The following ATP6V0D2 variants were observed in gnomAD, a reference collection of about 807,000 sequenced individuals.
ATP6V0D2 encodes V-type proton ATPase subunit d 2.
ATP6V0D2 carries 40 observed loss-of-function variants against 40.0 expected under a neutral mutation model. The ratio of observed to expected loss-of-function variants is 1.00; its 90% CI spans 0.78 to 1.30. The LOEUF is 1.30. ATP6V0D2 is among the 50% of genes most tolerant of loss of function. The probability of loss-of-function intolerance (pLI) is 0.00; values close to 1 mark genes in which losing one functional copy is unlikely to be tolerated. For synonymous variants in ATP6V0D2, 179 were observed against 156.3 expected (o/e 1.15, Z -1.08); for missense variants, 470 against 423.1 (o/e 1.11, Z -0.97).
intron 2 of ATP6V0D2, among the ~76,000 whole-genome samples, chr8:86,122,593 G>A (rs1818684540): frequency 6.6e-6 from 1 of 152,056 alleles, no homozygotes; most frequent in Non-Finnish European, 1.5e-5. Context: ...CATAACTCTG[G>A]CTCACTAAGG....
At chr8:86,105,894 G>C (rs1818465565) in intron 1 of ATP6V0D2, among the ~76,000 whole-genome samples, 1 of 151,970 alleles carries the variant, frequency 6.6e-6, no homozygotes, top group South Asian at 2.1e-4. Context: ...GATTATAGAC[G>C]TGAGCCACTG....
chr8:86,141,203 A>G (rs1436311621), intron 3 of ATP6V0D2, among the ~76,000 whole-genome samples: 1 of 152,174 alleles, frequency 6.6e-6, no homozygotes, highest in Non-Finnish European at 1.5e-5. Context: ...CAGGCCACGG[A>G]CTGGTGTTGG....
chr8:86,150,186 G>C lies in ATP6V0D2; in HGVS notation c.714G>C (p.Glu238Asp). Residue 238 changes from glutamate to aspartate, a missense_variant, in exon 6 of 8, where the codon GAG becomes GAC. Transcript: ENST00000285393. Reference sequence around the variant, plus strand: ...CTGAATTGAGCAAAGAAGACCGAGAGACCCTCTATCCAACCTTCGGCAAAC... The same window carrying C: ...CTGAATTGAGCAAAGAAGACCGAGACACCCTCTATCCAACCTTCGGCAAAC... ...FGTELSKEDR[E>D]TLYPTFGKLY... 1 of 1,613,420 alleles carries C rather than the reference G, an allele frequency of 6.2e-7. No individual in the cohort carries two copies.
At chr8:86,143,589 A>T (rs1819006663) in intron 5 of ATP6V0D2, among the ~76,000 whole-genome samples, 1 of 152,210 alleles carries the variant, frequency 6.6e-6, no homozygotes, top group Admixed American at 6.5e-5. Flanking sequence ...TGTAGCAGTG[A>T]GGACGACCAT....
intron 7 of ATP6V0D2, among the ~76,000 whole-genome samples, 173 bp from the exon 8 acceptor site, chr8:86,152,643 T>C (rs1199930926): frequency 3.3e-5 from 5 of 152,218 alleles, no homozygotes; most frequent in African/African-American, 1.2e-4. Context: ...AGTGACACTC[T>C]CTCTTTAGAA....
chr8:86,126,298 G>T (rs994744983), intron 2 of ATP6V0D2, among the ~76,000 whole-genome samples: 1 of 130,758 alleles, frequency 7.6e-6, no homozygotes, highest in Non-Finnish European at 1.7e-5. Flanking sequence ...AGGTGTACAT[G>T]TGCAGGATGT....
chr8:86,114,684 T>C (rs1226519032), intron 2 of ATP6V0D2, among the ~76,000 whole-genome samples: 2 of 151,658 alleles, frequency 1.3e-5, no homozygotes, highest in Non-Finnish European at 2.9e-5. Context: ...ATAAAATAAA[T>C]TAAAAAAATT....
chr8:86,137,096 T>C (rs1434078013), intron 2 of ATP6V0D2, among the ~76,000 whole-genome samples: 1 of 152,150 alleles, frequency 6.6e-6, no homozygotes, highest in Non-Finnish European at 1.5e-5. Flanking sequence ...GCTTGCAGCA[T>C]GAACTCCATT....
chr8:86,107,553 G>C (rs1383642224), intron 1 of ATP6V0D2, among the ~76,000 whole-genome samples: 2 of 152,172 alleles, frequency 1.3e-5, no homozygotes, highest in African/African-American at 4.8e-5. Context: ...AAAGTTAAGA[G>C]ATTATGTATA....
At chr8:86,146,532 C>CA (rs1487178015) in intron 5 of ATP6V0D2, among the ~76,000 whole-genome samples, 1 of 152,040 alleles carries the variant, frequency 6.6e-6, no homozygotes, top group African/African-American at 2.4e-5. Context: ...CCTACCTCTA[C>CA]AAAAAATACA....
intron 2 of ATP6V0D2, among the ~76,000 whole-genome samples, chr8:86,120,873 T>C (rs1266428963): frequency 6.6e-6 from 1 of 152,130 alleles, no homozygotes; most frequent in South Asian, 2.1e-4. Flanking sequence ...TAGTTTATAA[T>C]AAGGCAAACA....
chr8:86,151,473 A>G lies in ATP6V0D2; in HGVS notation c.824A>G (p.Lys275Arg), dbSNP rs761386556. Residue 275 changes from lysine to arginine, a missense_variant, in exon 7 of 8, where the codon AAA becomes AGA. Coordinates refer to ENST00000285393, the MANE Select transcript of ATP6V0D2 (RefSeq NM_152565.1). Reference sequence around the variant, plus strand: ...AATGTCTTTGTTTTTAAGGTATACAAACCTTTATTTGAAGCTGTAGGTGGC... The same window carrying G: ...AATGTCTTTGTTTTTAAGGTATACAGACCTTTATTTGAAGCTGTAGGTGGC... ...KNVADHYGVY[K>R]PLFEAVGGSG... 4 of 1,601,988 alleles carry G rather than the reference A, an allele frequency of 2.5e-6. No homozygotes were observed. The highest frequency in any genetic ancestry group is 3.4e-6 in the Non-Finnish European group (4 of 1,174,176).
intron 2 of ATP6V0D2, among the ~76,000 whole-genome samples, chr8:86,129,317 C>T (rs995264759): frequency 6.6e-6 from 1 of 152,162 alleles, no homozygotes; most frequent in African/African-American, 2.4e-5. Context: ...ATTTAGTGTG[C>T]ACAGCGACCC....
chr8:86,104,828 A>T (rs540562675), intron 1 of ATP6V0D2, among the ~76,000 whole-genome samples: 1 of 141,792 alleles, frequency 7.1e-6, no homozygotes, highest in African/African-American at 2.7e-5. Context: ...GACATATCCA[A>T]TTCTCTCCTG....
In ATP6V0D2 at chr8:86,113,749, T is replaced by C; in HGVS notation, c.171T>C (p.Phe57=). The C allele has an allele frequency of 1.2e-6, 2 of 1,613,276 alleles. No individual in the cohort carries two copies. The highest frequency in any genetic ancestry group is 1.7e-6 in the Non-Finnish European group (2 of 1,179,520). Residue 57 remains phenylalanine (F), a synonymous_variant, in exon 2 of 8, where the codon TTT becomes TTC. Coordinates refer to ENST00000285393, the MANE Select transcript of ATP6V0D2 (RefSeq NM_152565.1). ...TCCAGACTACTGATTATGGTAACTT[T>C]TTGGCTAATCACACAAATCCTCTTA... is the stretch of plus-strand genomic sequence containing the variant. ...IHLQTTDYGN[F]LANHTNPLTV... is the part of the protein sequence containing the mutation.
At chr8:86,127,672 C>A (rs945812323) in intron 2 of ATP6V0D2, among the ~76,000 whole-genome samples, 1 of 152,098 alleles carries the variant, frequency 6.6e-6, no homozygotes, top group African/African-American at 2.4e-5. Context: ...GATCCGCCTG[C>A]CTTGGCTTCC....
Position 86,150,286 on chromosome 8 carries a change from G to A in ATP6V0D2, c.814G>A (p.Gly272Arg), listed in dbSNP as rs10094744. 9,410 of 1,612,530 alleles carry A rather than the reference G, an allele frequency of 5.8e-3. 444 individuals carry two copies. The African/African-American group carries it at 0.1, about 18-fold the overall frequency. ...DQMKNVADHY[G>R]VYKPLFEAVG... is the part of the protein sequence containing the mutation. ...GATGAAGAACGTAGCGGATCATTAC[G>A]GAGTATGTGATGACACTGGCTTCCC... The change falls in exon 6 of 8, where the codon GGA becomes AGA. Residue 272 changes from glycine (G) to arginine (R), a missense_variant and splice_region_variant. Coordinates refer to ENST00000285393, the MANE Select transcript of ATP6V0D2 (RefSeq NM_152565.1).
chr8:86,143,309 C>A (rs1819002815), intron 5 of ATP6V0D2, among the ~76,000 whole-genome samples: 1 of 152,088 alleles, frequency 6.6e-6, no homozygotes, highest in African/African-American at 2.4e-5. Flanking sequence ...AATCCAGACC[C>A]CAAGAGAGGG....
chr8:86,126,236 C>CTATATATA (rs60590702), intron 2 of ATP6V0D2, among the ~76,000 whole-genome samples: 1,386 of 77,084 alleles, frequency 0.018, 125 homozygotes, highest in Non-Finnish European at 0.029. Context: ...CGTGCTCAGC[C>CTATATATA]TATATATATA....
Sources: gnomAD v4.1 joint callset for allele counts (sites outside exome capture counted in the v4.1 genomes callset) on GRCh38, gnomAD v4.1.1 for gene constraint, MANE v1.5 for transcripts, NCBI Gene and HGNC (gene_info 2026-07-23, HGNC 2026-07-21) for gene names.